The following SMYD3 variants were observed in gnomAD, a reference collection of about 807,000 sequenced individuals.
SMYD3 encodes SET and MYND domain containing 3.
In SMYD3, 36 loss-of-function variants were observed where a neutral mutation model predicts 57.7. That is an observed-to-expected ratio of 0.62 (90% CI 0.48 to 0.82). SMYD3 has a LOEUF of 0.82. Ranked by LOEUF, SMYD3 falls within the 40% of genes least tolerant of loss-of-function variation. SMYD3 has a pLI of 0.00. For missense variants in SMYD3, 515 were observed against 538.8 expected, an observed-to-expected ratio of 0.96 and a Z score of 0.44; for synonymous variants, 211 against 195.0, an observed-to-expected ratio of 1.08 and a Z score of -0.68.
rs531888770 is a variant in SMYD3, at chr1:246,002,342, G to T, written c.532-72405C>A. ...TGGGACTGCAGGCTCCCGCCACCAC[G>T]CCCGGCTAATTTTTTGTATTTTTAG... On this transcript the variant is annotated intron_variant, in intron 5 of 11. Transcript: ENST00000490107. Among the ~76,000 whole-genome samples the T allele has an allele frequency of 6.1e-5, 4 of 65,362 alleles. 2 individuals are homozygous for T. Among genetic ancestry groups the T allele is most frequent in the Non-Finnish European group, 1.6e-4 (4 of 25,296 alleles). 42.9% of individuals were successfully genotyped at this position (65,362 alleles called of 152,430 possible).
intron 5 of SMYD3, among the ~76,000 whole-genome samples, chr1:246,175,279 T>C (rs1432839369): frequency 6.6e-6 from 1 of 152,198 alleles, no homozygotes; most frequent in Non-Finnish European, 1.5e-5. Context: ...GGCTTCAAGA[T>C]GATTTTTACA....
intron 1 of SMYD3, among the ~76,000 whole-genome samples, chr1:246,363,633 T>C (rs2148719007): frequency 6.6e-6 from 1 of 152,336 alleles, no homozygotes; most frequent in East Asian, 1.9e-4. Context: ...CCCAACCCTG[T>C]GCTCTCTGAA....
intron 10 of SMYD3, among the ~76,000 whole-genome samples, chr1:245,850,374 AG>A (rs765558801): frequency 3.3e-5 from 5 of 152,206 alleles, no homozygotes; most frequent in Admixed American, 6.5e-5. Flanking sequence ...TAGTAAAGGT[AG>A]GTGAGAGTTT....
At chr1:246,002,228 A>G (rs1253429972) in intron 5 of SMYD3, among the ~76,000 whole-genome samples, 2 of 148,788 alleles carry the variant, frequency 1.3e-5, no homozygotes, top group African/African-American at 2.5e-5. Context: ...TCCGTCACCC[A>G]GGCTGGAGTG....
At chr1:246,168,109 A>G in intron 5 of SMYD3, among the ~76,000 whole-genome samples, 1 of 152,208 alleles carries the variant, frequency 6.6e-6, no homozygotes, top group East Asian at 1.9e-4. Flanking sequence ...CCTTGACAAA[A>G]TTATCTCTCT....
chr1:246,078,651 C>T (rs1274609074), intron 5 of SMYD3, among the ~76,000 whole-genome samples: 1 of 152,190 alleles, frequency 6.6e-6, no homozygotes, highest in Non-Finnish European at 1.5e-5. Context: ...ACTTCCACAA[C>T]TGCAAGCACA....
At chr1:246,226,070 T>C (rs1313928172) in intron 5 of SMYD3, among the ~76,000 whole-genome samples, 2 of 152,198 alleles carry the variant, frequency 1.3e-5, no homozygotes, top group African/African-American at 4.8e-5. Context: ...TGTCTCCCAA[T>C]CTGTTCTTTG....
chr1:246,288,838 C>G (rs879352088), intron 5 of SMYD3, among the ~76,000 whole-genome samples: 5 of 152,180 alleles, frequency 3.3e-5, no homozygotes, highest in Non-Finnish European at 5.9e-5. Flanking sequence ...CCTGGCCAGG[C>G]ACGGTGACTC....
chr1:245,900,848 G>A (rs570648009), intron 8 of SMYD3, among the ~76,000 whole-genome samples: 1 of 152,210 alleles, frequency 6.6e-6, no homozygotes, highest in Non-Finnish European at 1.5e-5. Context: ...CTGGTGGAAA[G>A]CTACCTTGCT....
At chr1:246,132,164 G>A (rs2061598137) in intron 5 of SMYD3, among the ~76,000 whole-genome samples, 1 of 152,098 alleles carries the variant, frequency 6.6e-6, no homozygotes, top group South Asian at 2.1e-4. Flanking sequence ...AAAAAATTGG[G>A]AGAAGTAGTG....
intron 1 of SMYD3, among the ~76,000 whole-genome samples, chr1:246,428,434 A>G (rs907468132): frequency 6.6e-6 from 1 of 152,266 alleles, no homozygotes; most frequent in Non-Finnish European, 1.5e-5. Context: ...TTGGTTAGAA[A>G]TAATAATGAC....
chr1:246,244,345 C>G (rs1181957063), intron 5 of SMYD3, among the ~76,000 whole-genome samples: 1 of 151,946 alleles, frequency 6.6e-6, no homozygotes, highest in Non-Finnish European at 1.5e-5. Flanking sequence ...GAAATGCTGA[C>G]TCAATTCACT....
Position 246,473,688 on chromosome 1 carries a change from A to T in SMYD3, c.164+33366T>A, listed in dbSNP as rs568855335. Among the ~76,000 whole-genome samples, 12 of 152,374 alleles carry T rather than the reference A, an allele frequency of 7.9e-5. No individual in the cohort carries two copies. In the East Asian group the frequency reaches 2.1e-3, roughly 27 times the overall value. ...TGACATATTGTTATTATTATGACTT[A>T]CTGTTATTACAGTATAAGAGAAGAG... On this transcript the variant is annotated intron_variant, in intron 1 of 11. Transcript: ENST00000490107.
Position 245,808,588 on chromosome 1 carries a change from T to G in SMYD3, c.1077-44439A>C, listed in dbSNP as rs1242519067. Among the ~76,000 whole-genome samples, 3 of 152,278 alleles carry G rather than the reference T, an allele frequency of 2.0e-5. No individual in the cohort carries two copies. The East Asian group carries it at 5.8e-4, about 29-fold the overall frequency. On this transcript the variant is annotated intron_variant, in intron 10 of 11. Coordinates refer to ENST00000490107, the MANE Select transcript of SMYD3 (RefSeq NM_001167740.2). The stretch of plus-strand genomic sequence containing the variant: ...CCGGGTGAGGCTGGCCACTTTCCCC[T>G]TTCTCAAGCACACACTGGCCTTCTC...
intron 5 of SMYD3, among the ~76,000 whole-genome samples, chr1:246,115,025 C>T (rs889174348): frequency 9.2e-5 from 14 of 152,184 alleles, no homozygotes; most frequent in African/African-American, 2.7e-4. Flanking sequence ...AGAAGCCAGG[C>T]GGAGCCTGAA....
intron 5 of SMYD3, among the ~76,000 whole-genome samples, chr1:246,141,035 G>T (rs79829308): frequency 1.3e-5 from 2 of 152,272 alleles, no homozygotes; most frequent in African/African-American, 2.4e-5. Flanking sequence ...ATTGTCAGGG[G>T]CTACCCAAGT....
chr1:246,350,526 A>T (rs1302009369), intron 2 of SMYD3, among the ~76,000 whole-genome samples: 2 of 152,186 alleles, frequency 1.3e-5, no homozygotes, highest in Non-Finnish European at 2.9e-5. Flanking sequence ...TGATGACTAA[A>T]TGGATCTGTC....
At chr1:246,425,146 A>G (rs955726732) in intron 1 of SMYD3, among the ~76,000 whole-genome samples, 4 of 152,148 alleles carry the variant, frequency 2.6e-5, no homozygotes, top group African/African-American at 9.7e-5. Context: ...ACTAGGTCAG[A>G]TCTCTTTCCA....
intron 1 of SMYD3, among the ~76,000 whole-genome samples, chr1:246,482,221 A>G (rs1397930087): frequency 6.6e-6 from 1 of 152,174 alleles, no homozygotes; most frequent in Non-Finnish European, 1.5e-5. Flanking sequence ...CATGAGAGGT[A>G]AAATGGTGGG....
Sources: gnomAD v4.1 joint callset for allele counts (sites outside exome capture counted in the v4.1 genomes callset) on GRCh38, gnomAD v4.1.1 for gene constraint, MANE v1.5 for transcripts, NCBI Gene and HGNC (gene_info 2026-07-23, HGNC 2026-07-21) for gene names.